CPO: variants seen among roughly 807,000 people sequenced by gnomAD.
The protein encoded by CPO is carboxypeptidase O.
A neutral mutation model predicts 41.2 loss-of-function variants in CPO; 43 were observed. That is an observed-to-expected ratio of 1.04 (90% CI 0.82 to 1.35). The LOEUF is 1.35. Among genes scored for constraint, CPO ranks in the 40% most tolerant of loss-of-function variants. The pLI is 0.00. For synonymous variants in CPO, 178 were observed against 162.7 expected, an observed-to-expected ratio of 1.09 and a Z score of -0.72; for missense variants, 408 against 451.7, an observed-to-expected ratio of 0.90 and a Z score of 0.88.
intron 1 of CPO, among the ~76,000 whole-genome samples, chr2:206,943,667 A>AGAT (rs1207548981): frequency 1.6e-5 from 2 of 124,712 alleles, no homozygotes; most frequent in African/African-American, 2.9e-5. Context: ...AAATGAAGAT[A>AGAT]GATAGATGAT....
At chr2:206,945,637 A>G (rs899378135) in intron 1 of CPO, among the ~76,000 whole-genome samples, 3 of 152,116 alleles carry the variant, frequency 2.0e-5, no homozygotes, top group Non-Finnish European at 4.4e-5. Flanking sequence ...AAAATTATAT[A>G]CTCTGCATGA....
chr2:206,946,676 G>T (rs922209801), intron 1 of CPO, among the ~76,000 whole-genome samples: 8 of 152,232 alleles, frequency 5.3e-5, no homozygotes, highest in African/African-American at 1.9e-4. Flanking sequence ...TACTGTATTT[G>T]TTTGAAGATG....
At chr2:206,964,554 G>A (rs1693537992) in intron 7 of CPO, among the ~76,000 whole-genome samples, 1 of 152,132 alleles carries the variant, frequency 6.6e-6, no homozygotes, top group South Asian at 2.1e-4. Flanking sequence ...CCACTACCTC[G>A]CACGCCTCTC....
intron 1 of CPO, among the ~76,000 whole-genome samples, chr2:206,947,659 A>G (rs2105820101): frequency 6.6e-6 from 1 of 152,336 alleles, no homozygotes; most frequent in South Asian, 2.1e-4. Context: ...CATCTGATAA[A>G]GGACTGTTAT....
At chr2:206,960,695 G>A (rs1693462270) in intron 5 of CPO, among the ~76,000 whole-genome samples, 157 bp from the exon 6 acceptor site, 1 of 152,198 alleles carries the variant, frequency 6.6e-6, no homozygotes, top group Non-Finnish European at 1.5e-5. Flanking sequence ...CCATCTGTAA[G>A]ACTAAAAATT....
At chr2:206,960,155 T>C (rs191512946) in intron 5 of CPO, among the ~76,000 whole-genome samples, 1 of 152,338 alleles carries the variant, frequency 6.6e-6, no homozygotes, top group East Asian at 1.9e-4. Flanking sequence ...AATGCAATCA[T>C]TCACACAGGG....
intron 1 of CPO, among the ~76,000 whole-genome samples, 174 bp downstream of exon 1, chr2:206,939,841 C>T (rs1334008480): frequency 2.0e-5 from 3 of 152,034 alleles, no homozygotes; most frequent in Non-Finnish European, 4.4e-5. Context: ...TCATAATCCT[C>T]TAATAATCCT....
In CPO at chr2:206,953,332, C is replaced by T. The variant is rs556045395; in HGVS notation, c.166-2131C>T. Among the ~76,000 whole-genome samples, 10 of 152,334 alleles carry T rather than the reference C, an allele frequency of 6.6e-5. No homozygotes were observed. In the South Asian group the frequency reaches 2.1e-3, roughly 32 times the overall value. On this transcript the variant is annotated intron_variant, in intron 2 of 8. Transcript: ENST00000272852. ...TTACTTCCTAGATACAATGGGGGTA[C>T]AGGCATTGGGTAAATACACCCATTC...
intron 1 of CPO, among the ~76,000 whole-genome samples, chr2:206,942,638 C>T (rs1460827890): frequency 1.3e-5 from 2 of 152,022 alleles, no homozygotes; most frequent in Non-Finnish European, 2.9e-5. Context: ...CTCTATTAAA[C>T]ATTTTATGAA....
Position 206,969,322 on chromosome 2 carries a change from G to T in CPO, c.1011G>T (p.Val337=), listed in dbSNP as rs1693642216. Residue 337 remains valine (V), a synonymous_variant, in exon 9 of 9, where the codon GTG becomes GTT. Coordinates refer to ENST00000272852, the MANE Select transcript of CPO (RefSeq NM_173077.3). ...CCTGTGAGGAGACCATGGAGGCTGTGCTGTCAGTCCTGGATGATGTGTATG... is the reference window on the plus strand; with the variant it reads ...CCTGTGAGGAGACCATGGAGGCTGTTCTGTCAGTCCTGGATGATGTGTATG... ...QPTCEETMEA[V]LSVLDDVYAK... is the part of the protein sequence containing the mutation. 1 of 1,613,938 alleles carries T rather than the reference G, an allele frequency of 6.2e-7. No individual in the cohort carries two copies. The highest frequency in any genetic ancestry group is 8.5e-7 in the Non-Finnish European group (1 of 1,180,010).
intron 3 of CPO, among the ~76,000 whole-genome samples, chr2:206,957,868 G>A (rs1693401174): frequency 6.6e-6 from 1 of 152,132 alleles, no homozygotes; most frequent in South Asian, 2.1e-4. Flanking sequence ...GTGGAGATTG[G>A]GATTCATTTT....
chr2:206,939,754 C>A, intron 1 of CPO, 87 bp downstream of exon 1: 5 of 1,056,646 alleles, frequency 4.7e-6, no homozygotes, highest in Non-Finnish European at 7.1e-6. Context: ...ATGCAGCTGG[C>A]TTCTCCTTCC....
intron 7 of CPO, 113 bp downstream of exon 7, chr2:206,962,727 T>C: frequency 1.2e-6 from 1 of 801,760 alleles, no homozygotes; most frequent in South Asian, 1.6e-5. Context: ...TTCTCTCTGC[T>C]TATCCCTATA....
chr2:206,940,628 G>A (rs1403357500), intron 1 of CPO, among the ~76,000 whole-genome samples: 2 of 151,990 alleles, frequency 1.3e-5, no homozygotes, highest in South Asian at 2.1e-4. Context: ...AAATCTGTGT[G>A]TGTGTATGTG....
chr2:206,960,785 T>TA, intron 5 of CPO, 67 bp from the exon 6 acceptor site: 1 of 1,091,856 alleles, frequency 9.2e-7, no homozygotes, highest in South Asian at 1.3e-5. Context: ...AAGGACCACC[T>TA]ATCATCACTA....
rs375384008 is a variant in CPO at position 206,958,357 on chromosome 2, C to T, written c.324C>T (p.His108=). 1.6e-4 allele frequency: 252 copies of T among 1,601,166 alleles called. No homozygotes were observed. The highest frequency in any genetic ancestry group is 1.9e-4 in the Non-Finnish European group (228 of 1,173,926). The stretch of plus-strand genomic sequence containing the variant: ...TCATTTGGATGGACTGTGGAATTCA[C>T]GCCAGAGAATGGATTGCTCCTGCTT... ...KKIIWMDCGI[H]AREWIAPAFC... The change falls in exon 4 of 9, where the codon CAC becomes CAT. Residue 108 remains histidine, a synonymous_variant. Coordinates refer to ENST00000272852, the MANE Select transcript of CPO (RefSeq NM_173077.3).
At chr2:206,951,122 T>TA (rs1693254655) in intron 2 of CPO, among the ~76,000 whole-genome samples, 1 of 152,114 alleles carries the variant, frequency 6.6e-6, no homozygotes, top group Non-Finnish European at 1.5e-5. Context: ...ATCTTGCATG[T>TA]ACCTTTTAAG....
chr2:206,953,538 C>A (rs2105823670), intron 2 of CPO, among the ~76,000 whole-genome samples: 1 of 152,360 alleles, frequency 6.6e-6, no homozygotes, highest in East Asian at 1.9e-4. Flanking sequence ...TGTCCCTGTG[C>A]CTTTGCAAGG....
rs1345361434 is a variant in CPO at position 206,960,851 on chromosome 2, G to C, written c.484-1G>C. On this transcript the variant is annotated splice_acceptor_variant, in intron 5 of 8. Coordinates refer to ENST00000272852, the MANE Select transcript of CPO (RefSeq NM_173077.3). LOFTEE classifies it high-confidence loss of function. ...AACATCCGTATGTTCCTCTGCTACAGGATCGTCTTTGGAGGAAATCCCGTT... is the reference window on the plus strand; with the variant it reads ...AACATCCGTATGTTCCTCTGCTACACGATCGTCTTTGGAGGAAATCCCGTT... 2.5e-6 allele frequency: 4 copies of C among 1,608,610 alleles called. No homozygotes were observed. The highest frequency in any genetic ancestry group is 3.4e-6 in the Non-Finnish European group (4 of 1,175,114).
Sources: gnomAD v4.1 joint callset for allele counts (sites outside exome capture counted in the v4.1 genomes callset) on GRCh38, gnomAD v4.1.1 for gene constraint, MANE v1.5 for transcripts, NCBI Gene and HGNC (gene_info 2026-07-23, HGNC 2026-07-21) for gene names.